CALB1: variants seen among roughly 807,000 people sequenced by gnomAD.
CALB1 encodes the protein calbindin.
CALB1 carries 16 observed loss-of-function variants against 46.7 expected under a neutral mutation model. That is an observed-to-expected ratio of 0.34 (90% CI 0.23 to 0.52). The LOEUF is 0.52. Ranked by LOEUF, CALB1 falls within the 20% of genes least tolerant of loss-of-function variation. The pLI, the probability that CALB1 is intolerant of heterozygous loss-of-function variation, is 0.95. For missense variants in CALB1, 224 were observed against 300.3 expected, an observed-to-expected ratio of 0.75 and a Z score of 1.88; for synonymous variants, 90 against 112.8, an observed-to-expected ratio of 0.80 and a Z score of 1.28.
rs1262239633 is a variant in CALB1, at chr8:90,060,638, C to G, written c.663G>C (p.Lys221Asn). Residue 221 changes from lysine to asparagine, a missense_variant, in exon 10 of 11, where the codon AAG becomes AAC. Coordinates refer to ENST00000265431, the MANE Select transcript of CALB1 (RefSeq NM_004929.4). Reference sequence around the variant, plus strand: ...ATGGTAACTAAGTTACCTGTTTATTCTTCTCGCACAGATCCTTCAGTAAAG... The same window carrying G: ...ATGGTAACTAAGTTACCTGTTTATTGTTCTCGCACAGATCCTTCAGTAAAG... ...LDALLKDLCE[K>N]NKQDLDINNI... The G allele has an allele frequency of 6.2e-7, 1 of 1,613,380 alleles. No homozygotes were observed. Among genetic ancestry groups the G allele is most frequent in the Non-Finnish European group, 8.5e-7 (1 of 1,179,464 alleles).
chr8:90,081,897 C>T, intron 2 of CALB1, 129 bp downstream of exon 2: 2 of 653,548 alleles, frequency 3.1e-6, no homozygotes, highest in East Asian at 3.2e-5. Flanking sequence ...TTTTTCTTGC[C>T]TTTCGCAGTC....
At position 90,082,757 on chromosome 8, in the gene CALB1, G is replaced by C. The variant is rs1586187332; in HGVS notation, c.-60C>G. ...TGCGTGTGTCTGTGTCCGCGCGAGG[G>C]GGAGTGAGCAAAAGCTCAGCGTGTG... On this transcript the variant is annotated 5_prime_UTR_variant, in exon 1 of 11. Coordinates refer to ENST00000265431, the MANE Select transcript of CALB1 (RefSeq NM_004929.4). The C allele has an allele frequency of 1.4e-6, 2 of 1,473,946 alleles. No homozygotes were observed. The highest frequency in any genetic ancestry group is 4.5e-5 in the East Asian group (2 of 44,196). The allele number at this position is 1,473,946 out of a possible 1,614,324, so 91.3% of individuals were successfully genotyped here.
At position 90,069,230 on chromosome 8, in the gene CALB1, T is replaced by C; in HGVS notation, c.239A>G (p.His80Arg). 1 of 1,613,000 alleles carries C rather than the reference T, an allele frequency of 6.2e-7. No homozygotes were observed. Among genetic ancestry groups the C allele is most frequent in the Non-Finnish European group, 8.5e-7 (1 of 1,179,096 alleles). The change falls in exon 4 of 11, where the codon CAC becomes CGC. Residue 80 changes from histidine (H) to arginine (R), a missense_variant. By Grantham distance (29) the His-to-Arg change is conservative (BLOSUM62 0). Transcript: ENST00000265431. ...GAAATTCTCTTCTGTGGGTAATACG[T>C]GAGCCAACTGGAAAAGATTTAAGAA... The part of the protein sequence containing the change: ...DGKIGIVELA[H>R]VLPTEENFLL...
At chr8:90,081,941 C>A in intron 2 of CALB1, 85 bp downstream of exon 2, 1 of 1,227,872 alleles carries the variant, frequency 8.1e-7, no homozygotes, top group Non-Finnish European at 1.2e-6. Flanking sequence ...AAGCGCTTTA[C>A]GCTACTGGCT....
intron 3 of CALB1, among the ~76,000 whole-genome samples, chr8:90,070,131 G>A (rs1367490261): frequency 2.6e-5 from 4 of 152,022 alleles, no homozygotes; most frequent in African/African-American, 9.7e-5. Flanking sequence ...CAGCAACCCC[G>A]AGCCATTTCT....
Position 90,060,125 on chromosome 8 carries a change from A to G in CALB1, c.*48T>C, listed in dbSNP as rs1478417443. On this transcript the variant is annotated 3_prime_UTR_variant, in exon 11 of 11. Transcript: ENST00000265431. ...GCCTACTCCCTTATAGTGCACAGTT[A>G]TTTTTTAGATACAGTGTATCACTAG... 2 of 1,073,460 alleles carry G rather than the reference A, an allele frequency of 1.9e-6. No individual in the cohort carries two copies. The highest frequency in any genetic ancestry group is 1.6e-5 in the African/African-American group (1 of 64,482). 66.5% of individuals were successfully genotyped at this position (1,073,460 alleles called of 1,614,324 possible).
At chr8:90,066,757 T>G (rs780356062) in intron 5 of CALB1, among the ~76,000 whole-genome samples, 79 of 152,120 alleles carry the variant, frequency 5.2e-4, no homozygotes, top group Admixed American at 3.3e-4. Flanking sequence ...ATTTGCCATA[T>G]AAGTGACAGT....
intron 3 of CALB1, 28 bp from the exon 4 acceptor site, chr8:90,069,265 G>A (rs1411867813): frequency 6.4e-6 from 10 of 1,558,726 alleles, no homozygotes; most frequent in Admixed American, 3.3e-5. Flanking sequence ...AGAGAGAAAC[G>A]TGTTGTAAGT....
rs920434974 is a variant in CALB1 at position 90,082,877 on chromosome 8, C to A, written c.-180G>T. ...CTCAGCGTTCCTCCAGAGTTCTCTC[C>A]CTACACCCCGCACCCAGTTCTCAGT... On this transcript the variant is annotated 5_prime_UTR_variant, in exon 1 of 11. Transcript: ENST00000265431. 3 of 619,420 alleles carry A rather than the reference C, an allele frequency of 4.8e-6. No homozygotes were observed. The highest frequency in any genetic ancestry group is 8.8e-6 in the Non-Finnish European group (3 of 340,044). The allele number at this position is 619,420 out of a possible 1,614,324, so 38.4% of individuals were successfully genotyped here. A position where few individuals can be genotyped will look rare whatever the true frequency, so the allele number is the denominator to read the frequency against.
chr8:90,082,564 A>G, intron 1 of CALB1, 55 bp downstream of exon 1: 1 of 1,409,912 alleles, frequency 7.1e-7, no homozygotes, highest in Non-Finnish European at 1.0e-6. Context: ...AGGGCAAAGA[A>G]TGGGAAGGGG....
chr8:90,078,396 C>A lies in CALB1; in HGVS notation c.208G>T (p.Asp70Tyr). 36 of 1,590,006 alleles carry A rather than the reference C, an allele frequency of 2.3e-5. No individual in the cohort carries two copies. Among genetic ancestry groups the A allele is most frequent in the Non-Finnish European group, 3.1e-5 (36 of 1,165,186 alleles). ...TFVDQYGQRDDGKIGIVELAH... is the reference protein window; with the variant it reads ...TFVDQYGQRDYGKIGIVELAH... The stretch of plus-strand genomic sequence containing the variant: ...ACCTCTACAATTCCTATTTTTCCAT[C>A]ATCTCTTTGCCCATACTGATCCACA... The change falls in exon 3 of 11, where the codon GAT becomes TAT. Residue 70 changes from aspartate to tyrosine, a missense_variant. By Grantham distance (160) the Asp-to-Tyr change is radical. Coordinates refer to ENST00000265431, the MANE Select transcript of CALB1 (RefSeq NM_004929.4).
chr8:90,080,066 C>T (rs1050387430), intron 2 of CALB1, among the ~76,000 whole-genome samples: 3 of 151,762 alleles, frequency 2.0e-5, no homozygotes, highest in African/African-American at 7.2e-5. Context: ...ATTTTAACTA[C>T]CCAAATCAAG....
At chr8:90,060,849 G>T (rs1265379472) in intron 9 of CALB1, 149 bp from the exon 10 acceptor site, 3 of 678,972 alleles carry the variant, frequency 4.4e-6, no homozygotes, top group African/African-American at 1.8e-5. Flanking sequence ...CAAGTTTTTA[G>T]CTGCTCCAAA....
chr8:90,082,152 C>T, intron 1 of CALB1, 50 bp from the exon 2 acceptor site: 1 of 1,481,006 alleles, frequency 6.8e-7, no homozygotes, highest in Non-Finnish European at 9.4e-7. Flanking sequence ...TTCCAAGTGT[C>T]TTTCCCGTTC....
intron 3 of CALB1, among the ~76,000 whole-genome samples, chr8:90,069,762 A>T (rs1411127022): frequency 6.6e-6 from 1 of 152,068 alleles, no homozygotes. Context: ...GAGAAGATAA[A>T]CCAAAGACAA....
At position 90,069,025 on chromosome 8, in the gene CALB1, A is replaced by G. The variant is rs1814451125; in HGVS notation, c.345T>C (p.Ser115=). ...KTWRKYDTDH[S]GFIETEELKN... ...TAAGCTCCTCAGTTTCTATGAAGCC[A>G]CTGTGGTCAGTATCATATTTTCTCC... Residue 115 remains serine, a synonymous_variant, in exon 5 of 11, where the codon AGT becomes AGC. Transcript: ENST00000265431. 1.2e-6 allele frequency: 2 copies of G among 1,613,176 alleles called. No individual in the cohort carries two copies. Among genetic ancestry groups the G allele is most frequent in the Admixed American group, 1.7e-5 (1 of 59,944 alleles).
chr8:90,071,919 AT>A (rs1814527527), intron 3 of CALB1, among the ~76,000 whole-genome samples: 1 of 152,204 alleles, frequency 6.6e-6, no homozygotes, highest in South Asian at 2.1e-4. Context: ...GCAGGGAATA[AT>A]ACTTTTCTGC....
chr8:90,062,909 G>A (rs1814329504), intron 9 of CALB1, 191 bp downstream of exon 9: 9 of 490,342 alleles, frequency 1.8e-5, no homozygotes, highest in South Asian at 1.2e-4. Context: ...CTGGGGGAAG[G>A]AGAAATGACG....
At chr8:90,062,273 T>G (rs987151428) in intron 9 of CALB1, 1 of 152,004 alleles carries the variant, frequency 6.6e-6, no homozygotes, top group Non-Finnish European at 1.5e-5. Flanking sequence ...TTTATGACAT[T>G]GTTCTTAGCA....
Sources: allele counts gnomAD v4.1 joint callset (sites outside exome capture counted in the v4.1 genomes callset), GRCh38; gene constraint gnomAD v4.1.1; transcripts MANE v1.5; gene names NCBI Gene and HGNC (gene_info 2026-07-23, HGNC 2026-07-21).